JADE1: variants seen among roughly 807,000 people sequenced by gnomAD.
JADE1 encodes protein Jade-1.
JADE1 carries 14 observed loss-of-function variants against 81.8 expected under a neutral mutation model. That is an observed-to-expected ratio of 0.17 (90% CI 0.11 to 0.27). JADE1 has a LOEUF of 0.27. JADE1 is among the 10% of genes least tolerant of loss of function. The pLI, the probability that JADE1 is intolerant of heterozygous loss-of-function variation, is 1.00. For synonymous variants in JADE1, 353 were observed against 391.9 expected, an observed-to-expected ratio of 0.90 and a Z score of 1.17; for missense variants, 690 against 1,047.9, an observed-to-expected ratio of 0.66 and a Z score of 4.71.
chr4:128,816,528 G>C (rs894558038), intron 1 of JADE1: 1 of 152,176 alleles, frequency 6.6e-6, no homozygotes, highest in Non-Finnish European at 1.5e-5. Context: ...CTTTGGCTAT[G>C]ATGGGGCCTT....
In JADE1 at chr4:128,852,120, A is replaced by G. The variant is rs1375422719; in HGVS notation, c.548A>G (p.Tyr183Cys). 1.2e-6 allele frequency: 2 copies of G among 1,614,076 alleles called. No homozygotes were observed. The highest frequency in any genetic ancestry group is 1.7e-6 in the Non-Finnish European group (2 of 1,180,026). Residue 183 changes from tyrosine to cysteine, a missense_variant, in exon 6 of 11, where the codon TAC becomes TGC. Physicochemically the swap from Tyr to Cys is radical, Grantham distance 194. Transcript: ENST00000226319. ...RVLEEFEQRC[Y>C]DNMNHAIETE... is the part of the protein sequence containing the mutation. ...CTAGAGGAATTTGAGCAGCGATGCT[A>G]CGACAATATGAATCATGCCATAGAG...
intron 1 of JADE1, among the ~76,000 whole-genome samples, chr4:128,814,600 C>G (rs1462076197): frequency 5.6e-5 from 8 of 143,984 alleles, no homozygotes; most frequent in Admixed American, 4.9e-4. Flanking sequence ...AAGTTTTGCT[C>G]ATGTTGCCCA....
intron 1 of JADE1, chr4:128,811,842 G>A (rs530535141): frequency 6.6e-6 from 1 of 152,178 alleles, no homozygotes; most frequent in South Asian, 2.1e-4. Flanking sequence ...TGTGACAGAG[G>A]TGATACACAG....
chr4:128,822,930 G>GT (rs1251817605), intron 1 of JADE1, among the ~76,000 whole-genome samples: 2 of 152,190 alleles, frequency 1.3e-5, no homozygotes, highest in African/African-American at 2.4e-5. Flanking sequence ...TATATTTTGG[G>GT]TTTTTTCCCT....
chr4:128,828,127 A>G (rs1728227003), intron 1 of JADE1, among the ~76,000 whole-genome samples: 1 of 152,210 alleles, frequency 6.6e-6, no homozygotes, highest in South Asian at 2.1e-4. Context: ...GGTCAGGGTT[A>G]GTAATTTTCA....
rs1448938224 is a variant in JADE1, at chr4:128,846,285, A to G, written c.139-90A>G. On this transcript the variant is annotated intron_variant, in intron 3 of 10. Coordinates refer to ENST00000226319, the MANE Select transcript of JADE1 (RefSeq NM_199320.4). The surrounding 1 kb of genome is among the most constrained non-coding windows in gnomAD (Gnocchi z 4.0). Reference sequence around the variant, plus strand: ...TATGTTGATACAGTGACCTTGTTACATGGCAGCTCCATGGTTACATTGCAG... The same window carrying G: ...TATGTTGATACAGTGACCTTGTTACGTGGCAGCTCCATGGTTACATTGCAG... 6.9e-6 allele frequency: 9 copies of G among 1,295,182 alleles called. No homozygotes were observed. Among genetic ancestry groups the G allele is most frequent in the East Asian group, 6.9e-5 (3 of 43,188 alleles). 80.2% of individuals were successfully genotyped at this position (1,295,182 alleles called of 1,614,324 possible). A position where few individuals can be genotyped will look rare whatever the true frequency, so the allele number is the denominator to read the frequency against.
intron 2 of JADE1, among the ~76,000 whole-genome samples, chr4:128,834,765 A>C (rs1475021979): frequency 6.6e-6 from 1 of 151,850 alleles, no homozygotes. Flanking sequence ...TGATCTCCTG[A>C]CCTCATGATC....
At chr4:128,859,306 G>C (rs998446192) in intron 8 of JADE1, among the ~76,000 whole-genome samples, 1 of 152,076 alleles carries the variant, frequency 6.6e-6, no homozygotes, top group African/African-American at 2.4e-5. Context: ...GTGTATGCAT[G>C]TGTATTTGGT....
chr4:128,861,573 CCTGTCATGGCA>C, intron 8 of JADE1, 120 bp from the exon 9 acceptor site: 1 of 1,051,516 alleles, frequency 9.5e-7, no homozygotes, highest in Non-Finnish European at 1.4e-6. Flanking sequence ...GTACAACTTT[CCTGTCATGGCA>C]CATGCTTGAA....
At chr4:128,825,793 A>G (rs560990382) in intron 1 of JADE1, among the ~76,000 whole-genome samples, 8 of 152,350 alleles carry the variant, frequency 5.3e-5, no homozygotes, top group Admixed American at 2.0e-4. Flanking sequence ...ACATGACAGA[A>G]GGGATCCAAG....
rs371885369 is a variant in JADE1 at position 128,862,200 on chromosome 4, C to T, written c.1478C>T (p.Thr493Met). 20 of 1,614,058 alleles carry T rather than the reference C, an allele frequency of 1.2e-5. No homozygotes were observed. Among genetic ancestry groups the T allele is most frequent in the Admixed American group, 1.7e-5 (1 of 60,010 alleles). ...DVLFRRLQLF[T>M]HLRQDLERVR... ...TTATTTAGGAGGCTGCAGCTGTTCA[C>T]GCACCTGCGGCAGGACCTGGAGAGG... The change falls in exon 9 of 11, where the codon ACG (threonine) becomes ATG (methionine). Residue 493 changes from threonine (T) to methionine (M), a missense_variant. Transcript: ENST00000226319.
intron 8 of JADE1, among the ~76,000 whole-genome samples, chr4:128,859,764 T>G (rs1168700975): frequency 1.3e-5 from 2 of 152,234 alleles, no homozygotes; most frequent in African/African-American, 4.8e-5. Context: ...TTTGTTTCCC[T>G]TTTGAAGAGA....
chr4:128,863,158 G>A (rs1731502133), intron 9 of JADE1: 2 of 985,484 alleles, frequency 2.0e-6, no homozygotes, highest in South Asian at 9.4e-5. Flanking sequence ...ATCACCTCTG[G>A]AGTCCCGTCT....
chr4:128,862,892 G>A lies in JADE1; in HGVS notation c.1503+667G>A, dbSNP rs537848027. The A allele has an allele frequency of 1.0e-5, 10 of 972,416 alleles. No homozygotes were observed. The South Asian group carries it at 4.6e-4, about 45-fold the overall frequency. The allele number at this position is 972,416 out of a possible 1,614,324, so 60.2% of individuals were successfully genotyped here. A position where few individuals can be genotyped will look rare whatever the true frequency, so the allele number is the denominator to read the frequency against. On this transcript the variant is annotated intron_variant, in intron 9 of 10. Coordinates refer to ENST00000226319, the MANE Select transcript of JADE1 (RefSeq NM_199320.4). ...CAGTGAGGTGCTAAGTCATCACTGAGGCTGTGTGTGTGTGTGTGTGTGCGC... is the reference window on the plus strand; with the variant it reads ...CAGTGAGGTGCTAAGTCATCACTGAAGCTGTGTGTGTGTGTGTGTGTGCGC...
intron 1 of JADE1, among the ~76,000 whole-genome samples, chr4:128,815,483 G>C (rs1726953543): frequency 6.6e-6 from 1 of 152,138 alleles, no homozygotes; most frequent in Non-Finnish European, 1.5e-5. Context: ...TAAAAAAGCA[G>C]GAAATCCAAA....
intron 6 of JADE1, among the ~76,000 whole-genome samples, chr4:128,853,094 T>G (rs1474216840): frequency 6.6e-6 from 1 of 152,062 alleles, no homozygotes; most frequent in Non-Finnish European, 1.5e-5. Flanking sequence ...GCCAGGCTGG[T>G]CTCGAACTCC....
intron 2 of JADE1, among the ~76,000 whole-genome samples, chr4:128,837,536 T>C (rs980243652): frequency 6.6e-6 from 1 of 152,232 alleles, no homozygotes; most frequent in Admixed American, 6.5e-5. Context: ...ATGACAGTTA[T>C]ATCAGATGCT....
At chr4:128,823,076 T>C (rs1204087584) in intron 1 of JADE1, among the ~76,000 whole-genome samples, 21 of 152,230 alleles carry the variant, frequency 1.4e-4, no homozygotes, top group Admixed American at 1.4e-3. Context: ...GGTGACTGAC[T>C]GCCTTTTTTG....
rs1732362968 is a variant in JADE1, at chr4:128,873,520, G to A, written c.*1258G>A. On this transcript the variant is annotated 3_prime_UTR_variant, in exon 11 of 11. Transcript: ENST00000226319. Reference sequence around the variant, plus strand: ...TAAGTTATCAGCAATAATAAATTTAGCATTAAATTTGAGTACAATGTTTTG... The same window carrying A: ...TAAGTTATCAGCAATAATAAATTTAACATTAAATTTGAGTACAATGTTTTG... The A allele has an allele frequency of 6.6e-6, 1 of 152,546 alleles. No individual in the cohort carries two copies. Among genetic ancestry groups the A allele is most frequent in the South Asian group, 2.1e-4 (1 of 4,830 alleles). 9.4% of individuals were successfully genotyped at this position (152,546 alleles called of 1,614,324 possible).
Sources: allele counts gnomAD v4.1 joint callset (sites outside exome capture counted in the v4.1 genomes callset), GRCh38; gene constraint gnomAD v4.1.1; non-coding constraint Gnocchi (gnomAD v3.1); transcripts MANE v1.5; gene names NCBI Gene and HGNC (gene_info 2026-07-23, HGNC 2026-07-21).